Variants in ESR2 observed in about 807,000 individuals in gnomAD.
The protein encoded by ESR2 is estrogen receptor beta.
ESR2 carries 36 observed loss-of-function variants against 49.6 expected under a neutral mutation model. The observed-to-expected ratio is 0.73, with a 90% confidence interval of 0.56 to 0.96. The LOEUF is 0.96. Ranked by LOEUF, ESR2 falls within the 40% of genes least tolerant of loss-of-function variation. The pLI is 0.00. For missense variants in ESR2, 714 were observed against 693.0 expected (o/e 1.03, Z -0.34); for synonymous variants, 320 against 266.1 (o/e 1.20, Z -1.97).
chr14:64,239,352 CAGAG>C (rs1202073103), intron 7 of ESR2, among the ~76,000 whole-genome samples: 1 of 152,210 alleles, frequency 6.6e-6, no homozygotes, highest in Non-Finnish European at 1.5e-5. Context: ...CCTATAAACT[CAGAG>C]GGAACTAGGG....
At chr14:64,253,560 T>TGTG (rs2076031454) in intron 6 of ESR2, among the ~76,000 whole-genome samples, 2 of 136,642 alleles carry the variant, frequency 1.5e-5, no homozygotes, top group African/African-American at 5.6e-5. Flanking sequence ...GGTACACTAT[T>TGTG]TGTGTGTGTG....
intron 5 of ESR2, among the ~76,000 whole-genome samples, chr14:64,259,779 A>C (rs986848717): frequency 2.0e-5 from 3 of 152,200 alleles, no homozygotes; most frequent in African/African-American, 7.2e-5. Flanking sequence ...ATATTCATTT[A>C]TGTACATAAT....
At chr14:64,293,169 G>A (rs1003730792) in intron 1 of ESR2, among the ~76,000 whole-genome samples, 3 of 151,864 alleles carry the variant, frequency 2.0e-5, no homozygotes, top group Non-Finnish European at 2.9e-5. Flanking sequence ...TCATAGTCAC[G>A]TTACATTTGT....
Position 64,228,386 on chromosome 14 carries a change from A to G in ESR2, c.*4751T>C, listed in dbSNP as rs77290975. Among the ~76,000 whole-genome samples the G allele has an allele frequency of 0.017, 2,646 of 152,334 alleles. 77 individuals are homozygous for G. The highest frequency in any genetic ancestry group is 0.061 in the African/African-American group (2,531 of 41,564). ...AACTCTCTACGACAGTGCCATAGACATTAAAGGGACACAGTAAGGAAAACA... is the reference window on the plus strand; with the variant it reads ...AACTCTCTACGACAGTGCCATAGACGTTAAAGGGACACAGTAAGGAAAACA... On this transcript the variant is annotated 3_prime_UTR_variant, in exon 9 of 9. Coordinates refer to ENST00000341099, the MANE Select transcript of ESR2 (RefSeq NM_001437.3).
At chr14:64,227,719 T>C (rs1596352493), downstream of ESR2, 21 of 1,579,912 alleles carry the variant, frequency 1.3e-5, no homozygotes, top group Non-Finnish European at 1.8e-5. Flanking sequence ...TTCCTCAGGA[T>C]AAGGGCCTTT....
rs532841750 is a variant in ESR2 at position 64,260,766 on chromosome 14, G to A, written c.653-18C>T. 1.4e-6 allele frequency: 2 copies of A among 1,441,652 alleles called. No homozygotes were observed. The highest frequency in any genetic ancestry group is 3.2e-5 in the South Asian group (2 of 62,740). 89.3% of individuals were successfully genotyped at this position (1,441,652 alleles called of 1,614,324 possible). On this transcript the variant is annotated intron_variant, in intron 4 of 8. Coordinates refer to ENST00000341099, the MANE Select transcript of ESR2 (RefSeq NM_001437.3). Reference sequence around the variant, plus strand: ...CCGGGAGCCTGAAGAGGAAAGCAGAGTCATTCGAATTGCCAGGGTAAAACC... The same window carrying A: ...CCGGGAGCCTGAAGAGGAAAGCAGAATCATTCGAATTGCCAGGGTAAAACC...
At chr14:64,289,993 A>G (rs2076845315) in intron 1 of ESR2, among the ~76,000 whole-genome samples, 1 of 152,208 alleles carries the variant, frequency 6.6e-6, no homozygotes, top group East Asian at 1.9e-4. Context: ...ACTAGAAGGA[A>G]TTTCATGGAA....
rs2098724762 is a variant in ESR2 at position 64,228,915 on chromosome 14, GT to G, written c.*4221del. ...GCCACTGGAGCCAAAATTCCAGCAA[GT>G]TTGAGAGCTATAAAGAATAAGTGGC... On this transcript the variant is annotated 3_prime_UTR_variant, in exon 9 of 9. Coordinates refer to ENST00000341099, the MANE Select transcript of ESR2 (RefSeq NM_001437.3). Among the ~76,000 whole-genome samples the G allele has an allele frequency of 6.6e-6, 1 of 152,324 alleles. No homozygotes were observed. Among genetic ancestry groups the G allele is most frequent in the African/African-American group, 2.4e-5 (1 of 41,592 alleles).
chr14:64,288,146 G>A (rs576659633), intron 1 of ESR2, among the ~76,000 whole-genome samples: 57 of 152,212 alleles, frequency 3.7e-4, no homozygotes, highest in African/African-American at 1.2e-3. Context: ...GGCCCTCTCA[G>A]GTCACATCTG....
At chr14:64,246,766 A>AAAAAC (rs1567739377) in intron 7 of ESR2, among the ~76,000 whole-genome samples, 1 of 133,880 alleles carries the variant, frequency 7.5e-6, no homozygotes, top group African/African-American at 2.8e-5. Context: ...AAAAAAAAAA[A>AAAAAC]ACACACCTGG....
At chr14:64,257,414 C>G (rs756888937) in intron 5 of ESR2, 50 bp from the exon 6 acceptor site, 2 of 1,607,536 alleles carry the variant, frequency 1.2e-6, no homozygotes, top group Admixed American at 3.4e-5. Context: ...CTCCTCAGCT[C>G]CCTGTGTGTG....
chr14:64,285,501 A>T (rs1429047739), intron 1 of ESR2, among the ~76,000 whole-genome samples: 1 of 152,158 alleles, frequency 6.6e-6, no homozygotes, highest in Non-Finnish European at 1.5e-5. Context: ...CCTGCTTATC[A>T]GAACTACCTT....
rs117684450 is a variant in ESR2 at position 64,256,436 on chromosome 14, G to A, written c.1091+790C>T. Among the ~76,000 whole-genome samples, 15 of 152,304 alleles carry A rather than the reference G, an allele frequency of 9.8e-5. No individual in the cohort carries two copies. In the South Asian group the frequency reaches 2.1e-3, roughly 21 times the overall value. On this transcript the variant is annotated intron_variant, in intron 6 of 8. Transcript: ENST00000341099. ...TGCTATATAGTACATGCATTAGAAT[G>A]TGTTAAAGCAGATCGGGCATGGTGG...
At chr14:64,288,932 G>A (rs2076825495) in intron 1 of ESR2, among the ~76,000 whole-genome samples, 1 of 146,662 alleles carries the variant, frequency 6.8e-6, no homozygotes, top group Non-Finnish European at 1.5e-5. Flanking sequence ...GTTGCGGTGA[G>A]CCGAGATCAC....
At chr14:64,266,362 T>C (rs2076327208) in intron 4 of ESR2, among the ~76,000 whole-genome samples, 1 of 152,058 alleles carries the variant, frequency 6.6e-6, no homozygotes, top group African/African-American at 2.4e-5. Context: ...AAAGAGGTGA[T>C]TCAGTAGTTT....
chr14:64,298,935 G>A (rs906526873), upstream of ESR2, among the ~76,000 whole-genome samples: 8 of 151,120 alleles, frequency 5.3e-5, no homozygotes, highest in Non-Finnish European at 1.2e-4. Context: ...ATTCTCTTGA[G>A]CTAGAAGAGA....
chr14:64,233,654 G>T (rs1050315882), intron 8 of ESR2: 2 of 266,706 alleles, frequency 7.5e-6, no homozygotes, highest in Non-Finnish European at 1.4e-5. Flanking sequence ...ACAGGGTTAG[G>T]TTCCTGCAAG....
At chr14:64,334,462 C>T (rs2077504062) in intron 1 of ESR2, among the ~76,000 whole-genome samples, 1 of 152,164 alleles carries the variant, frequency 6.6e-6, no homozygotes, top group Non-Finnish European at 1.5e-5. Context: ...GTTCTCATGA[C>T]AAGGCAGCTG....
chr14:64,301,795 G>A (rs764032375), intron 1 of ESR2, among the ~76,000 whole-genome samples: 1 of 152,150 alleles, frequency 6.6e-6, no homozygotes, highest in Non-Finnish European at 1.5e-5. Context: ...TCATAGAAAT[G>A]ACAAATTGCT....
Sources: gnomAD v4.1 joint callset for allele counts (sites outside exome capture counted in the v4.1 genomes callset) on GRCh38, gnomAD v4.1.1 for gene constraint, MANE v1.5 for transcripts, NCBI Gene and HGNC (gene_info 2026-07-23, HGNC 2026-07-21) for gene names.